The following CNTNAP2 variants were observed in gnomAD, a reference collection of about 807,000 sequenced individuals.
CNTNAP2 encodes the protein contactin-associated protein-like 2.
CNTNAP2 carries 98 observed loss-of-function variants against 155.2 expected under a neutral mutation model. That is an observed-to-expected ratio of 0.63 (90% CI 0.54 to 0.75). The LOEUF is 0.75. Ranked by LOEUF, CNTNAP2 falls within the 30% of genes least tolerant of loss-of-function variation. The pLI is 0.00. For synonymous variants in CNTNAP2, 651 were observed against 631.2 expected (o/e 1.03, Z -0.47); for missense variants, 1,727 against 1,688.1 (o/e 1.02, Z -0.40).
chr7:146,707,347 A>G (rs1800984198), intron 1 of CNTNAP2, among the ~76,000 whole-genome samples: 1 of 152,304 alleles, frequency 6.6e-6, no homozygotes, highest in African/African-American at 2.4e-5. Context: ...CATTGTCTTC[A>G]GTATAACCTT....
intron 4 of CNTNAP2, among the ~76,000 whole-genome samples, chr7:147,104,658 A>G (rs2129278641): frequency 6.6e-6 from 1 of 151,258 alleles, no homozygotes; most frequent in East Asian, 1.9e-4. Context: ...ATTTTTTCAA[A>G]TAAGTAGACT....
intron 12 of CNTNAP2, among the ~76,000 whole-genome samples, chr7:147,565,449 A>T (rs544121604): frequency 4.1e-4 from 63 of 152,276 alleles, no homozygotes; most frequent in South Asian, 6.2e-4. Context: ...TAAGATCTTG[A>T]TTGCATTCAT....
intron 1 of CNTNAP2, among the ~76,000 whole-genome samples, chr7:146,219,356 G>A (rs1049208811): frequency 1.3e-5 from 2 of 152,090 alleles, no homozygotes; most frequent in East Asian, 1.9e-4. Context: ...TTAAAGTTAC[G>A]ATTAATAACA....
intron 1 of CNTNAP2, among the ~76,000 whole-genome samples, chr7:146,338,810 G>A (rs550048420): frequency 6.6e-6 from 1 of 152,124 alleles, no homozygotes; most frequent in Non-Finnish European, 1.5e-5. Context: ...AAAATAGCCT[G>A]TTACAAGTGT....
chr7:147,657,569 A>G (rs1392118684), intron 13 of CNTNAP2, among the ~76,000 whole-genome samples: 2 of 152,342 alleles, frequency 1.3e-5, no homozygotes, highest in Middle Eastern at 3.4e-3. Context: ...CTTAATATAG[A>G]AACAAAGCAA....
intron 1 of CNTNAP2, among the ~76,000 whole-genome samples, chr7:146,572,835 G>A (rs1184540448): frequency 6.6e-6 from 1 of 152,038 alleles, no homozygotes; most frequent in Non-Finnish European, 1.5e-5. Context: ...CTATAAAAAT[G>A]TGGTTTGTAT....
chr7:146,655,377 G>A (rs942494497), intron 1 of CNTNAP2, among the ~76,000 whole-genome samples: 5 of 127,434 alleles, frequency 3.9e-5, no homozygotes, highest in African/African-American at 1.6e-4. Flanking sequence ...TGGCACCACT[G>A]CACTCCAGCC....
chr7:148,096,279 A>ATGTGTGTG (rs3056207), intron 15 of CNTNAP2, among the ~76,000 whole-genome samples: 28 of 144,820 alleles, frequency 1.9e-4, no homozygotes, highest in African/African-American at 3.8e-4. Context: ...GCATGCATGC[A>ATGTGTGTG]TGTGTGTGTG....
chr7:146,410,695 G>A (rs898071345), intron 1 of CNTNAP2, among the ~76,000 whole-genome samples: 1 of 152,022 alleles, frequency 6.6e-6, no homozygotes, highest in South Asian at 2.1e-4. Flanking sequence ...ACCCTTCTAT[G>A]TGCCCATGTA....
rs1416536522 is a variant in CNTNAP2, at chr7:147,749,969, A to G, written c.2098+110663A>G. 1.3e-5 allele frequency among the ~76,000 whole-genome samples: 2 copies of G among 152,238 alleles called. 1 individual carries two copies. The highest frequency in any genetic ancestry group is 2.9e-5 in the Non-Finnish European group (2 of 68,030). On this transcript the variant is annotated intron_variant, in intron 13 of 23. Transcript: ENST00000361727. ...TGATATTTATCAATGAGATCTTTAT[A>G]GTATCAGAAATCTTAAAGTTATTTC...
At chr7:146,190,007 T>C (rs1193993417) in intron 1 of CNTNAP2, among the ~76,000 whole-genome samples, 1 of 152,156 alleles carries the variant, frequency 6.6e-6, no homozygotes, top group Non-Finnish European at 1.5e-5. Flanking sequence ...TTTGTGATTT[T>C]GTGGCTAATC....
At chr7:146,407,507 C>T (rs1795809116) in intron 1 of CNTNAP2, among the ~76,000 whole-genome samples, 1 of 152,162 alleles carries the variant, frequency 6.6e-6, no homozygotes, top group South Asian at 2.1e-4. Context: ...GAGTTACAAT[C>T]TTGTGCAATC....
chr7:148,142,784 C>T (rs1167402731), intron 16 of CNTNAP2, among the ~76,000 whole-genome samples: 1 of 152,158 alleles, frequency 6.6e-6, no homozygotes, highest in East Asian at 1.9e-4. Flanking sequence ...TTAAATTTAT[C>T]GCTCAATATA....
intron 15 of CNTNAP2, among the ~76,000 whole-genome samples, chr7:147,986,851 G>GT (rs1321115965): frequency 6.9e-6 from 1 of 144,406 alleles, no homozygotes; most frequent in African/African-American, 2.6e-5. Context: ...GATGACTTCT[G>GT]TTTTTTTGTT....
At chr7:146,710,620 A>G (rs1801047835) in intron 1 of CNTNAP2, among the ~76,000 whole-genome samples, 1 of 152,114 alleles carries the variant, frequency 6.6e-6, no homozygotes, top group South Asian at 2.1e-4. Flanking sequence ...ACTCTGAGGC[A>G]TTATCCTTCC....
chr7:147,906,774 T>TAAAG (rs762706536), intron 14 of CNTNAP2, among the ~76,000 whole-genome samples: 6 of 152,120 alleles, frequency 3.9e-5, no homozygotes, highest in Non-Finnish European at 7.4e-5. Context: ...GATTGATTTT[T>TAAAG]AAAGATATAT....
At chr7:147,903,747 A>G (rs1443211253) in intron 14 of CNTNAP2, 26 bp downstream of exon 14, 3 of 1,611,708 alleles carry the variant, frequency 1.9e-6, no homozygotes. Context: ...CAGCACAGCC[A>G]GGCTCACCCT....
At chr7:147,761,545 C>G (rs77819758) in intron 13 of CNTNAP2, among the ~76,000 whole-genome samples, 2,872 of 152,262 alleles carry the variant, frequency 0.019, 81 homozygotes, top group African/African-American at 0.062. Context: ...ATTAATTCAT[C>G]CAACCCTTAG....
chr7:147,487,412 T>G (rs1331018126), intron 11 of CNTNAP2, among the ~76,000 whole-genome samples: 1 of 152,206 alleles, frequency 6.6e-6, no homozygotes, highest in African/African-American at 2.4e-5. Flanking sequence ...ATCAAAATAT[T>G]AACCTCCAGT....
Sources: gnomAD v4.1 joint callset for allele counts (sites outside exome capture counted in the v4.1 genomes callset) on GRCh38, gnomAD v4.1.1 for gene constraint, MANE v1.5 for transcripts, NCBI Gene and HGNC (gene_info 2026-07-23, HGNC 2026-07-21) for gene names.